Variants in STARD13 observed in about 807,000 individuals in gnomAD.
STARD13 encodes the protein StAR related lipid transfer domain containing 13.
In STARD13, 62 loss-of-function variants were observed where a neutral mutation model predicts 106.4. The observed-to-expected ratio is 0.58, with a 90% CI of 0.48 to 0.72. The LOEUF (loss-of-function observed/expected upper bound fraction) is 0.72, where lower values mean the gene tolerates loss of function less well. Among genes scored for constraint, STARD13 ranks in the 30% least tolerant of loss-of-function variants. STARD13 has a pLI of 0.00. For synonymous variants in STARD13, 565 were observed against 553.0 expected, an observed-to-expected ratio of 1.02 and a Z score of -0.31; for missense variants, 1,387 against 1,424.0, an observed-to-expected ratio of 0.97 and a Z score of 0.42.
chr13:33,200,201 A>G (rs117469833), intron 1 of STARD13, among the ~76,000 whole-genome samples: 3,051 of 152,314 alleles, frequency 0.02, 43 homozygotes, highest in Non-Finnish European at 0.028. Context: ...CTTCCCTGCC[A>G]TCCCCTAAGG....
chr13:33,386,519 C>G, the STARD13 span, among the ~76,000 whole-genome samples: 1 of 152,048 alleles, frequency 6.6e-6, no homozygotes, highest in Non-Finnish European at 1.5e-5. Flanking sequence ...GGTGGCCTCC[C>G]CCATCCAGGT....
chr13:33,604,068 A>C, the STARD13 span, among the ~76,000 whole-genome samples: 2 of 152,228 alleles, frequency 1.3e-5, no homozygotes, highest in Non-Finnish European at 2.9e-5. Flanking sequence ...AATAAAAAGC[A>C]ATCATTATAT....
the STARD13 span, among the ~76,000 whole-genome samples, chr13:33,607,473 T>C: frequency 6.6e-6 from 1 of 151,982 alleles, no homozygotes; most frequent in Non-Finnish European, 1.5e-5. Flanking sequence ...ATTTTTTGTA[T>C]TTTTAGTAGA....
chr13:33,514,428 C>T, the STARD13 span, among the ~76,000 whole-genome samples: 1 of 152,084 alleles, frequency 6.6e-6, no homozygotes. Context: ...AATTGTTGGG[C>T]TTGTTACCTA....
chr13:33,154,527 T>C (rs1881714437), intron 3 of STARD13, among the ~76,000 whole-genome samples: 1 of 152,196 alleles, frequency 6.6e-6, no homozygotes, highest in Admixed American at 6.5e-5. Context: ...AAATAAGCTA[T>C]GTGCTTTAAT....
chr13:33,491,905 T>C, the STARD13 span, among the ~76,000 whole-genome samples: 2 of 152,184 alleles, frequency 1.3e-5, no homozygotes, highest in African/African-American at 2.4e-5. Context: ...AGGCTTTATG[T>C]GAGCAATAAA....
the STARD13 span, among the ~76,000 whole-genome samples, chr13:33,389,404 G>A: frequency 3.9e-5 from 6 of 152,230 alleles, no homozygotes; most frequent in South Asian, 1.2e-3. Context: ...ATGGTGGGAG[G>A]AACTGTGGTG....
chr13:33,493,364 A>G, the STARD13 span, among the ~76,000 whole-genome samples: 4 of 152,182 alleles, frequency 2.6e-5, no homozygotes, highest in East Asian at 7.7e-4. Flanking sequence ...ATCTCACGTG[A>G]TCAGTAAAGC....
At chr13:33,518,444 G>A in the STARD13 span, among the ~76,000 whole-genome samples, 3 of 151,990 alleles carry the variant, frequency 2.0e-5, no homozygotes, top group Non-Finnish European at 1.5e-5. Context: ...GATAACATTC[G>A]TGCAGCTCAA....
the STARD13 span, among the ~76,000 whole-genome samples, chr13:33,645,489 C>T: frequency 6.6e-6 from 1 of 152,126 alleles, no homozygotes; most frequent in African/African-American, 2.4e-5. Flanking sequence ...TGTTCTGTTA[C>T]ACAGAAACAG....
intron 1 of STARD13, among the ~76,000 whole-genome samples, chr13:33,312,557 T>C (rs555532202): frequency 1.3e-5 from 2 of 152,364 alleles, no homozygotes; most frequent in East Asian, 3.9e-4. Context: ...GATGGTATCA[T>C]TAAAACAAGG....
chr13:33,148,884 G>C (rs1880898937), intron 3 of STARD13, among the ~76,000 whole-genome samples: 1 of 152,210 alleles, frequency 6.6e-6, no homozygotes, highest in African/African-American at 2.4e-5. Context: ...CCAGTAAAAA[G>C]AGGTGAGCTA....
the STARD13 span, among the ~76,000 whole-genome samples, chr13:33,388,957 T>C: frequency 8.0e-5 from 12 of 149,400 alleles, no homozygotes; most frequent in East Asian, 1.9e-4. Context: ...GGTCCTTCTT[T>C]TTTTTTTTTT....
At chr13:33,441,724 T>G in the STARD13 span, among the ~76,000 whole-genome samples, 29 of 152,352 alleles carry the variant, frequency 1.9e-4, no homozygotes, top group African/African-American at 7.0e-4. Flanking sequence ...ATGATGCAGT[T>G]AAAGCTTTGT....
At chr13:33,582,335 C>T in the STARD13 span, among the ~76,000 whole-genome samples, 2 of 152,084 alleles carry the variant, frequency 1.3e-5, no homozygotes, top group African/African-American at 4.8e-5. Flanking sequence ...CCTGTTCTTA[C>T]TTTTACTCAT....
chr13:33,440,123 T>C, the STARD13 span, among the ~76,000 whole-genome samples: 1 of 152,014 alleles, frequency 6.6e-6, no homozygotes, highest in East Asian at 1.9e-4. Flanking sequence ...ACAAAAAAAT[T>C]TTAAAATTAG....
intron 4 of STARD13, among the ~76,000 whole-genome samples, chr13:33,136,820 G>T (rs898632237): frequency 6.6e-6 from 1 of 151,904 alleles, no homozygotes; most frequent in Admixed American, 6.6e-5. Context: ...TTTGATGTGG[G>T]ACAAGAACCT....
intron 1 of STARD13, among the ~76,000 whole-genome samples, chr13:33,263,992 C>T (rs2138334717): frequency 6.6e-6 from 1 of 152,334 alleles, no homozygotes; most frequent in African/African-American, 2.4e-5. Flanking sequence ...AAAAGTCACA[C>T]ACCTTGCCTT....
chr13:33,585,809 AT>A, the STARD13 span, among the ~76,000 whole-genome samples: 1 of 152,260 alleles, frequency 6.6e-6, no homozygotes, highest in Non-Finnish European at 1.5e-5. Flanking sequence ...CTTTGAAGAT[AT>A]TATGCTAAGT....
Sources: allele counts gnomAD v4.1 joint callset (sites outside exome capture counted in the v4.1 genomes callset), GRCh38; gene constraint gnomAD v4.1.1; transcripts MANE v1.5; gene names NCBI Gene and HGNC (gene_info 2026-07-23, HGNC 2026-07-21).